The following ARHGAP15 variants were observed in gnomAD, a reference collection of about 807,000 sequenced individuals.
The protein encoded by ARHGAP15 is Rho GTPase activating protein 15.
Under a neutral mutation model 63.7 loss-of-function variants are expected in ARHGAP15, and 51 were observed. That is an observed-to-expected ratio of 0.80 (90% CI 0.64 to 1.01). The LOEUF (loss-of-function observed/expected upper bound fraction) is 1.01. Ranked by LOEUF, ARHGAP15 falls within the 50% of genes least tolerant of loss-of-function variation. ARHGAP15 has a pLI of 0.00. For missense variants in ARHGAP15, 560 were observed against 564.6 expected (o/e 0.99, Z 0.08); for synonymous variants, 191 against 193.8 (o/e 0.99, Z 0.12).
intron 2 of ARHGAP15, among the ~76,000 whole-genome samples, chr2:143,181,136 T>G (rs1691220304): frequency 6.6e-6 from 1 of 152,354 alleles, no homozygotes; most frequent in East Asian, 1.9e-4. Flanking sequence ...AGTAATATTT[T>G]GAAAGGAATC....
At chr2:143,735,106 G>A (rs1344589365) in intron 13 of ARHGAP15, among the ~76,000 whole-genome samples, 2 of 152,166 alleles carry the variant, frequency 1.3e-5, no homozygotes, top group African/African-American at 2.4e-5. Context: ...TCAGCTTCAT[G>A]TATAATTTAC....
At chr2:143,137,889 A>G (rs1558768159) in intron 1 of ARHGAP15, among the ~76,000 whole-genome samples, 1 of 152,072 alleles carries the variant, frequency 6.6e-6, no homozygotes. Context: ...ACCCAAATTC[A>G]GCTCTCTGCT....
chr2:143,587,808 C>G, intron 11 of ARHGAP15: 1 of 465,090 alleles, frequency 2.2e-6, no homozygotes, highest in South Asian at 1.6e-5. Context: ...TTTGTCACTT[C>G]ATTAAACTGG....
intron 6 of ARHGAP15, among the ~76,000 whole-genome samples, chr2:143,358,885 T>C (rs973028288): frequency 2.0e-5 from 3 of 151,642 alleles, no homozygotes; most frequent in Non-Finnish European, 2.9e-5. Context: ...ATTCTAATCA[T>C]TTATAATAAA....
At chr2:143,561,794 G>C (rs917963430) in intron 11 of ARHGAP15, among the ~76,000 whole-genome samples, 7 of 151,990 alleles carry the variant, frequency 4.6e-5, no homozygotes, top group Admixed American at 1.3e-4. Context: ...AAGCCACTGC[G>C]CCCGGCCGAC....
chr2:143,588,345 G>A (rs1203121699), intron 11 of ARHGAP15, among the ~76,000 whole-genome samples: 1 of 152,114 alleles, frequency 6.6e-6, no homozygotes, highest in Non-Finnish European at 1.5e-5. Context: ...GTGAGTAGAA[G>A]AGACAGGTGT....
In ARHGAP15 at chr2:143,317,188, GTCTT is replaced by G. The variant is rs71684277; in HGVS notation, c.474+66593_474+66596del. ...ATAAGATCCAGAAAATAGACACTTT[GTCTT>G]TCTTGTCCCCCAGTGCCTATAAGAG... On this transcript the variant is annotated intron_variant, in intron 6 of 13. Coordinates refer to ENST00000295095, the MANE Select transcript of ARHGAP15 (RefSeq NM_018460.4). Among the ~76,000 whole-genome samples the G allele has an allele frequency of 2.4e-3, 361 of 151,850 alleles. 4 individuals are homozygous for G. The highest frequency in any genetic ancestry group is 8.3e-3 in the African/African-American group (346 of 41,502).
intron 1 of ARHGAP15, among the ~76,000 whole-genome samples, chr2:143,145,384 T>A (rs1005785845): frequency 7.2e-5 from 11 of 152,040 alleles, no homozygotes; most frequent in Non-Finnish European, 1.6e-4. Context: ...CAACTTCCTT[T>A]GCTGGTAACC....
Position 143,368,531 on chromosome 2 carries a change from T to G in ARHGAP15, c.475-67070T>G, listed in dbSNP as rs529062153. Among the ~76,000 whole-genome samples, 7 of 152,192 alleles carry G rather than the reference T, an allele frequency of 4.6e-5. 1 individual carries two copies. The South Asian group carries it at 1.2e-3, about 27-fold the overall frequency. ...AGCAAAGAAGTGACATGATCAGATTTGATTTTGGAATGAGAACTCCAGTAG... is the reference window on the plus strand; with the variant it reads ...AGCAAAGAAGTGACATGATCAGATTGGATTTTGGAATGAGAACTCCAGTAG... On this transcript the variant is annotated intron_variant, in intron 6 of 13. Transcript: ENST00000295095.
intron 1 of ARHGAP15, among the ~76,000 whole-genome samples, chr2:143,137,358 G>T (rs899980543): frequency 8.6e-5 from 13 of 152,002 alleles, no homozygotes; most frequent in African/African-American, 2.4e-4. Flanking sequence ...ATGCCATAAA[G>T]ATTGACTTTG....
chr2:143,392,282 A>G (rs1687567884), intron 6 of ARHGAP15, among the ~76,000 whole-genome samples: 1 of 152,208 alleles, frequency 6.6e-6, no homozygotes, highest in South Asian at 2.1e-4. Context: ...AAATGTAAAT[A>G]AGTATATAAT....
intron 8 of ARHGAP15, among the ~76,000 whole-genome samples, chr2:143,475,932 G>A (rs1443686588): frequency 2.0e-5 from 3 of 152,174 alleles, no homozygotes; most frequent in African/African-American, 7.2e-5. Context: ...TGCTCAGAAT[G>A]GGAGAGAAAC....
chr2:143,369,850 TTATTA>T (rs1350367793), intron 6 of ARHGAP15, among the ~76,000 whole-genome samples: 2 of 152,134 alleles, frequency 1.3e-5, no homozygotes, highest in African/African-American at 4.8e-5. Context: ...CCTCCTATTA[TTATTA>T]TATCAATTTA....
At chr2:143,484,403 A>G (rs187152337) in intron 8 of ARHGAP15, among the ~76,000 whole-genome samples, 9 of 151,484 alleles carry the variant, frequency 5.9e-5, no homozygotes, top group African/African-American at 2.2e-4. Context: ...TTAGTGGCAC[A>G]TGCCTGTAAT....
intron 11 of ARHGAP15, among the ~76,000 whole-genome samples, chr2:143,593,961 A>G (rs984610605): frequency 3.9e-5 from 6 of 152,200 alleles, no homozygotes; most frequent in African/African-American, 1.4e-4. Flanking sequence ...CCCTTATACT[A>G]TTAATTGGAA....
intron 6 of ARHGAP15, among the ~76,000 whole-genome samples, chr2:143,282,095 T>G (rs1482499111): frequency 2.6e-5 from 4 of 152,242 alleles, no homozygotes; most frequent in African/African-American, 9.6e-5. Flanking sequence ...CCTCCTATAC[T>G]TGTAAATAAA....
In ARHGAP15 at chr2:143,355,808, T is replaced by A. The variant is rs145651203; in HGVS notation, c.475-79793T>A. Among the ~76,000 whole-genome samples the A allele has an allele frequency of 3.1e-3, 473 of 152,314 alleles. 5 individuals carry two copies. The highest frequency in any genetic ancestry group is 0.011 in the African/African-American group (450 of 41,584). ...AGTTAAAAATTATATCTGCACCTGA[T>A]GTTGCATGTTAACAGCTAATGCCAT... On this transcript the variant is annotated intron_variant, in intron 6 of 13. Coordinates refer to ENST00000295095, the MANE Select transcript of ARHGAP15 (RefSeq NM_018460.4).
intron 12 of ARHGAP15, among the ~76,000 whole-genome samples, chr2:143,635,791 G>C (rs1207190206): frequency 6.6e-6 from 1 of 152,028 alleles, no homozygotes; most frequent in African/African-American, 2.4e-5. Flanking sequence ...AGTGGTGCTG[G>C]TTTAAGAGTA....
intron 11 of ARHGAP15, among the ~76,000 whole-genome samples, chr2:143,568,460 T>G (rs1696324426): frequency 6.6e-6 from 1 of 152,056 alleles, no homozygotes; most frequent in Non-Finnish European, 1.5e-5. Flanking sequence ...AAAACCACAA[T>G]GAGATACCAT....
Sources: gnomAD v4.1 joint callset for allele counts (sites outside exome capture counted in the v4.1 genomes callset) on GRCh38, gnomAD v4.1.1 for gene constraint, MANE v1.5 for transcripts, NCBI Gene and HGNC (gene_info 2026-07-23, HGNC 2026-07-21) for gene names.